TBC1D19: variants seen among roughly 807,000 people sequenced by gnomAD.
TBC1D19 encodes TBC1 domain family, member 19.
Under a neutral mutation model 89.0 loss-of-function variants are expected in TBC1D19, and 60 were observed. The ratio of observed to expected loss-of-function variants is 0.67; its 90% CI spans 0.55 to 0.84. The LOEUF (loss-of-function observed/expected upper bound fraction) is 0.84. Among genes scored for constraint, TBC1D19 ranks in the 40% least tolerant of loss-of-function variants. The pLI is 0.00. For synonymous variants in TBC1D19, 189 were observed against 199.7 expected (o/e 0.95, Z 0.45); for missense variants, 500 against 610.8 (o/e 0.82, Z 1.91).
At chr4:26,608,240 G>A (rs1207049182) in intron 1 of TBC1D19, among the ~76,000 whole-genome samples, 1 of 152,072 alleles carries the variant, frequency 6.6e-6, no homozygotes, top group African/African-American at 2.4e-5. Context: ...ATGCAAACAT[G>A]TCTTTGATTG....
intron 13 of TBC1D19, among the ~76,000 whole-genome samples, chr4:26,696,592 G>T (rs1221936166): frequency 6.6e-6 from 1 of 152,092 alleles, no homozygotes; most frequent in Non-Finnish European, 1.5e-5. Context: ...TTCCAAAATT[G>T]ACCACATAGT....
intron 1 of TBC1D19, among the ~76,000 whole-genome samples, chr4:26,596,393 G>A (rs1201307070): frequency 1.3e-5 from 2 of 151,652 alleles, no homozygotes; most frequent in Non-Finnish European, 2.9e-5. Flanking sequence ...GTTGTTTATA[G>A]TAAACCTCTA....
intron 13 of TBC1D19, among the ~76,000 whole-genome samples, chr4:26,689,763 C>T (rs1386411681): frequency 1.3e-5 from 2 of 152,110 alleles, no homozygotes; most frequent in Non-Finnish European, 2.9e-5. Flanking sequence ...ACCAACTGGC[C>T]ATTACCCATT....
chr4:26,594,872 AAAC>A (rs1407546558), intron 1 of TBC1D19, among the ~76,000 whole-genome samples: 2 of 152,242 alleles, frequency 1.3e-5, no homozygotes, highest in Non-Finnish European at 1.5e-5. Flanking sequence ...TCCGTCTCAA[AAAC>A]AACAACAACG....
At chr4:26,791,507 G>C in the TBC1D19 span, among the ~76,000 whole-genome samples, 3 of 152,150 alleles carry the variant, frequency 2.0e-5, no homozygotes, top group Admixed American at 6.5e-5. Context: ...ACTCTGCCTG[G>C]TAGCTGGACA....
chr4:26,699,781 C>G (rs1715152855), intron 13 of TBC1D19, among the ~76,000 whole-genome samples: 1 of 150,206 alleles, frequency 6.7e-6, no homozygotes, highest in African/African-American at 2.5e-5. Flanking sequence ...CCAAACACCA[C>G]ATGTTCTCAC....
At chr4:26,805,322 T>C in the TBC1D19 span, among the ~76,000 whole-genome samples, 1 of 152,288 alleles carries the variant, frequency 6.6e-6, no homozygotes, top group Non-Finnish European at 1.5e-5. Context: ...TTGAATATGC[T>C]CTCCAGGGGT....
At chr4:26,839,324 A>G in the TBC1D19 span, among the ~76,000 whole-genome samples, 2 of 152,212 alleles carry the variant, frequency 1.3e-5, no homozygotes, top group Non-Finnish European at 2.9e-5. Context: ...CTAACCACCA[A>G]TTCCAACAGT....
chr4:26,588,935 A>C (rs773873236), intron 1 of TBC1D19, among the ~76,000 whole-genome samples: 5 of 152,028 alleles, frequency 3.3e-5, no homozygotes, highest in Non-Finnish European at 5.9e-5. Flanking sequence ...GGCTTCAGTC[A>C]ATATAGACAA....
the TBC1D19 span, among the ~76,000 whole-genome samples, chr4:26,830,200 C>A: frequency 4.6e-5 from 7 of 152,262 alleles, no homozygotes; most frequent in South Asian, 1.5e-3. Flanking sequence ...TTGCAAATTA[C>A]CCCCCCTTTT....
intron 8 of TBC1D19, among the ~76,000 whole-genome samples, chr4:26,665,077 G>T (rs1711685707): frequency 6.6e-6 from 1 of 152,114 alleles, no homozygotes; most frequent in Non-Finnish European, 1.5e-5. Flanking sequence ...ACGTGCAGTT[G>T]AGATTTCCTT....
intron 12 of TBC1D19, among the ~76,000 whole-genome samples, chr4:26,686,560 C>T (rs1251202242): frequency 6.6e-6 from 1 of 151,904 alleles, no homozygotes; most frequent in East Asian, 1.9e-4. Flanking sequence ...TAACTTCTCT[C>T]TAATAAGAAA....
At chr4:26,710,125 C>T (rs925086260) in intron 13 of TBC1D19, among the ~76,000 whole-genome samples, 1 of 152,026 alleles carries the variant, frequency 6.6e-6, no homozygotes, top group Non-Finnish European at 1.5e-5. Context: ...TGGTGTGCTG[C>T]ACCCATTAAC....
the TBC1D19 span, among the ~76,000 whole-genome samples, chr4:26,773,975 A>G: frequency 1.3e-5 from 2 of 152,218 alleles, no homozygotes; most frequent in East Asian, 3.9e-4. Flanking sequence ...GCCTCTGCTA[A>G]GATCTCCTTA....
intron 15 of TBC1D19, among the ~76,000 whole-genome samples, chr4:26,728,569 A>G (rs1056121589): frequency 6.6e-6 from 1 of 152,198 alleles, no homozygotes; most frequent in African/African-American, 2.4e-5. Context: ...ATAGAGAAAG[A>G]CTTGAAAAAG....
the TBC1D19 span, among the ~76,000 whole-genome samples, chr4:26,826,070 C>T: frequency 6.6e-6 from 1 of 152,136 alleles, no homozygotes; most frequent in Non-Finnish European, 1.5e-5. Flanking sequence ...GGCTTGGTGG[C>T]ATGCACCTGT....
At chr4:26,834,320 T>A in the TBC1D19 span, among the ~76,000 whole-genome samples, 1 of 152,220 alleles carries the variant, frequency 6.6e-6, no homozygotes, top group Non-Finnish European at 1.5e-5. Flanking sequence ...GTGTGCTCTA[T>A]GATAATGCCC....
the TBC1D19 span, among the ~76,000 whole-genome samples, chr4:26,767,930 AAAAG>A: frequency 2.6e-5 from 4 of 152,142 alleles, no homozygotes; most frequent in Admixed American, 1.3e-4. Context: ...ATGCAACATA[AAAAG>A]GAGGAACCCA....
At chr4:26,596,487 T>TGTGA (rs1178439177) in intron 1 of TBC1D19, among the ~76,000 whole-genome samples, 25 of 142,308 alleles carry the variant, frequency 1.8e-4, no homozygotes, top group African/African-American at 6.2e-4. Context: ...TGTGTGTGTG[T>TGTGA]GAGAGAGAGT....
Sources: gnomAD v4.1 joint callset for allele counts (sites outside exome capture counted in the v4.1 genomes callset) on GRCh38, gnomAD v4.1.1 for gene constraint, MANE v1.5 for transcripts, NCBI Gene and HGNC (gene_info 2026-07-23, HGNC 2026-07-21) for gene names.